Variants in OR10K2 observed in about 807,000 individuals in gnomAD.
OR10K2 encodes olfactory receptor 10K2.
For synonymous variants in OR10K2, 169 were observed against 146.4 expected (o/e 1.15, Z -1.11); for missense variants, 401 against 367.1 (o/e 1.09, Z -0.76).
intron 1 of OR10K2, among the ~76,000 whole-genome samples, chr1:158,425,255 C>A (rs1655230270): frequency 6.6e-6 from 1 of 152,000 alleles, no homozygotes; most frequent in African/African-American, 2.4e-5. Context: ...TCTTAAAGAT[C>A]TAGCTTAGTA....
Position 158,420,762 on chromosome 1 carries a change from G to T in OR10K2, c.105C>A (p.Tyr35Ter). The change falls in exon 2 of 2, where the codon TAC becomes TAA. Residue 35 changes from tyrosine to a stop codon, truncating the protein, a stop_gained. Transcript: ENST00000641042. LOFTEE classifies it low-confidence loss of function (END_TRUNC). ...TTGCATTGGTGCCCAGAGTGAACAGGTAGAGGAGCAGGAAGATAACAAAGA... is the reference window on the plus strand; with the variant it reads ...TTGCATTGGTGCCCAGAGTGAACAGTTAGAGGAGCAGGAAGATAACAAAGA... ...QLLFVIFLLL[Y>*]LFTLGTNAII... The T allele has an allele frequency of 1.2e-6, 2 of 1,613,756 alleles. No individual in the cohort carries two copies. Among genetic ancestry groups the T allele is most frequent in the Non-Finnish European group, 1.7e-6 (2 of 1,179,836 alleles).
intron 1 of OR10K2, among the ~76,000 whole-genome samples, chr1:158,421,240 CA>C (rs927787945): frequency 2.3e-4 from 35 of 149,044 alleles, no homozygotes; most frequent in South Asian, 1.3e-3. Context: ...TGTATTCTCT[CA>C]AAAAAAAAAT....
rs1655144251 is a variant in OR10K2, at chr1:158,420,964, G to A, written c.-61-37C>T. On this transcript the variant is annotated intron_variant, in intron 1 of 1. Transcript: ENST00000641042. ...TAGATTCACAGAAAATTGATCATCA[G>A]CATGCGTTCTCAGATTTTGAATTCT... 8.2e-6 allele frequency: 9 copies of A among 1,094,260 alleles called. No individual in the cohort carries two copies. In the South Asian group the frequency reaches 1.1e-4, roughly 14 times the overall value. The allele number at this position is 1,094,260 out of a possible 1,614,324, so 67.8% of individuals were successfully genotyped here. A position where few individuals can be genotyped will look rare whatever the true frequency, so the allele number is the denominator to read the frequency against.
At position 158,422,664 on chromosome 1, in the gene OR10K2, C is replaced by T. The variant is rs564393944; in HGVS notation, c.-61-1737G>A. ...CTAATATTAATAACAAAATTAATGA[C>T]AATGCATTTTTATGTTACCTAAGAA... On this transcript the variant is annotated intron_variant, in intron 1 of 1. Transcript: ENST00000641042. Among the ~76,000 whole-genome samples the T allele has an allele frequency of 2.0e-5, 3 of 152,042 alleles. No homozygotes were observed. The East Asian group carries it at 5.8e-4, about 29-fold the overall frequency.
rs1217952614 is a variant in OR10K2, at chr1:158,420,778, A to C, written c.89T>G (p.Ile30Ser). The C allele has an allele frequency of 6.2e-7, 1 of 1,613,556 alleles. No homozygotes were observed. Among genetic ancestry groups the C allele is most frequent in the Non-Finnish European group, 8.5e-7 (1 of 1,179,840 alleles). The change falls in exon 2 of 2, where the codon ATC becomes AGC. Residue 30 changes from isoleucine to serine, a missense_variant. Coordinates refer to ENST00000641042, the MANE Select transcript of OR10K2 (RefSeq NM_001004476.2). ...LARLQQLLFVIFLLLYLFTLG... is the reference protein window; with the variant it reads ...LARLQQLLFVSFLLLYLFTLG... ...AGTGAACAGGTAGAGGAGCAGGAAG[A>C]TAACAAAGAGCAGCTGCTGCAGCCT... is the stretch of plus-strand genomic sequence containing the variant.
At chr1:158,421,020 T>C in intron 1 of OR10K2, 93 bp from the exon 2 acceptor site, 1 of 718,940 alleles carries the variant, frequency 1.4e-6, no homozygotes, top group Non-Finnish European at 2.2e-6. Flanking sequence ...CTCTTGTTTT[T>C]CCAAGACATG....
chr1:158,420,855 G>T lies in OR10K2; in HGVS notation c.12C>A (p.Val4=). MER[V]NETVVREVIF... Reference sequence around the variant, plus strand: ...TGACCTCTCTCACCACAGTCTCATTGACCCGCTCCATGGAGCATACATCAT... The same window carrying T: ...TGACCTCTCTCACCACAGTCTCATTTACCCGCTCCATGGAGCATACATCAT... Residue 4 remains valine (V), a synonymous_variant, in exon 2 of 2, where the codon GTC becomes GTA. Transcript: ENST00000641042. The T allele has an allele frequency of 6.2e-7, 1 of 1,613,142 alleles. No homozygotes were observed. Among genetic ancestry groups the T allele is most frequent in the South Asian group, 1.1e-5 (1 of 91,012 alleles).
Position 158,420,106 on chromosome 1 carries a change from C to T in OR10K2, c.761G>A (p.Cys254Tyr). Residue 254 changes from cysteine to tyrosine, a missense_variant, in exon 2 of 2, where the codon TGT becomes TAT. Coordinates refer to ENST00000641042, the MANE Select transcript of OR10K2 (RefSeq NM_001004476.2). ...HLIIVTVHYG[C>Y]ASFIYLRPQS... ...AGGCCTTAAGTAGATAAAGGAGGCA[C>T]AGCCATAGTGGACAGTGACAATAAT... The T allele has an allele frequency of 6.2e-7, 1 of 1,613,656 alleles. No individual in the cohort carries two copies. Among genetic ancestry groups the T allele is most frequent in the African/African-American group, 1.3e-5 (1 of 74,956 alleles).
chr1:158,425,049 G>T (rs1425587580), intron 1 of OR10K2, among the ~76,000 whole-genome samples: 1 of 152,006 alleles, frequency 6.6e-6, no homozygotes, highest in African/African-American at 2.4e-5. Flanking sequence ...AATTGAAAAG[G>T]GGCAGAGAGC....
In OR10K2 at chr1:158,418,518, C is replaced by A. The variant is rs1655081911; in HGVS notation, c.*1410G>T. On this transcript the variant is annotated 3_prime_UTR_variant, in exon 2 of 2. Coordinates refer to ENST00000641042, the MANE Select transcript of OR10K2 (RefSeq NM_001004476.2). ...ACCCCCATCAGCAGCAAGTTTCAAG[C>A]TTCAAAGAAATGGAAGAAATGCAAT... 6.6e-6 allele frequency: 1 copy of A among 152,064 alleles called. No individual in the cohort carries two copies. The highest frequency in any genetic ancestry group is 1.5e-5 in the Non-Finnish European group (1 of 68,006). 9.4% of individuals were successfully genotyped at this position (152,064 alleles called of 1,614,324 possible). A position where few individuals can be genotyped will look rare whatever the true frequency, so the allele number is the denominator to read the frequency against.
intron 1 of OR10K2, among the ~76,000 whole-genome samples, chr1:158,423,227 A>ATTTT (rs11306254): frequency 7.3e-6 from 1 of 136,310 alleles, no homozygotes; most frequent in African/African-American, 2.7e-5. Context: ...TTCGCCCAAT[A>ATTTT]TTTTTTTTTT....
chr1:158,425,341 G>A (rs1655231560), intron 1 of OR10K2, among the ~76,000 whole-genome samples: 1 of 152,100 alleles, frequency 6.6e-6, no homozygotes, highest in Non-Finnish European at 1.5e-5. Flanking sequence ...CAACTGAGTG[G>A]ATGTGTTAGC....
Position 158,425,554 on chromosome 1 carries a change from G to T in OR10K2, c.-62+379C>A, listed in dbSNP as rs180712214. Reference sequence around the variant, plus strand: ...GGTTCCCAGAGGGCAGGGTTTCTTAGTCTTTATATCTGTCAATTATAACTA... The same window carrying T: ...GGTTCCCAGAGGGCAGGGTTTCTTATTCTTTATATCTGTCAATTATAACTA... On this transcript the variant is annotated intron_variant, in intron 1 of 1. Coordinates refer to ENST00000641042, the MANE Select transcript of OR10K2 (RefSeq NM_001004476.2). Among the ~76,000 whole-genome samples, 251 of 152,052 alleles carry T rather than the reference G, an allele frequency of 1.7e-3. 1 individual carries two copies. Among genetic ancestry groups the T allele is most frequent in the Non-Finnish European group, 2.5e-3 (167 of 67,942 alleles).
intron 1 of OR10K2, among the ~76,000 whole-genome samples, chr1:158,425,696 A>G (rs961781163): frequency 1.3e-4 from 20 of 152,086 alleles, no homozygotes; most frequent in Non-Finnish European, 2.5e-4. Flanking sequence ...TAATTAAAAT[A>G]TTGTTGAGTG....
chr1:158,421,452 T>C (rs1420749491), intron 1 of OR10K2, among the ~76,000 whole-genome samples: 4 of 152,158 alleles, frequency 2.6e-5, no homozygotes, highest in Non-Finnish European at 5.9e-5. Context: ...ATGCTGGCTC[T>C]TGTTTCTGTA....
At position 158,420,777 on chromosome 1, in the gene OR10K2, G is replaced by A; in HGVS notation, c.90C>T (p.Ile30=). 6.2e-7 allele frequency: 1 copy of A among 1,613,710 alleles called. No individual in the cohort carries two copies. Among genetic ancestry groups the A allele is most frequent in the Non-Finnish European group, 8.5e-7 (1 of 1,179,858 alleles). The change falls in exon 2 of 2, where the codon ATC becomes ATT. Residue 30 remains isoleucine, a synonymous_variant. Transcript: ENST00000641042. ...LARLQQLLFV[I]FLLLYLFTLG... is the part of the protein sequence containing the mutation. ...GAGTGAACAGGTAGAGGAGCAGGAA[G>A]ATAACAAAGAGCAGCTGCTGCAGCC...
In OR10K2 at chr1:158,419,763, A is replaced by G. The variant is rs150774155; in HGVS notation, c.*165T>C. On this transcript the variant is annotated 3_prime_UTR_variant, in exon 2 of 2. Transcript: ENST00000641042. ...GTAGCTGAGATTACAGGAGCCCACCACAGCATCCGGTTAATTTGTATATTT... is the reference window on the plus strand; with the variant it reads ...GTAGCTGAGATTACAGGAGCCCACCGCAGCATCCGGTTAATTTGTATATTT... 1.3e-3 allele frequency: 771 copies of G among 584,800 alleles called. 7 individuals carry two copies. In the African/African-American group the frequency reaches 0.014, roughly 10 times the overall value. The allele number at this position is 584,800 out of a possible 1,614,324, so 36.2% of individuals were successfully genotyped here.
intron 1 of OR10K2, among the ~76,000 whole-genome samples, chr1:158,421,205 C>A (rs575552567): frequency 6.6e-6 from 1 of 152,138 alleles, no homozygotes; most frequent in Admixed American, 6.6e-5. Context: ...TCTTGCAAAG[C>A]TTGTCTTTTT....
At chr1:158,422,744 C>T (rs2101648135) in intron 1 of OR10K2, among the ~76,000 whole-genome samples, 1 of 152,096 alleles carries the variant, frequency 6.6e-6, no homozygotes, top group South Asian at 2.1e-4. Flanking sequence ...GTGATTATAA[C>T]AATGTGTCAG....
Sources: allele counts gnomAD v4.1 joint callset (sites outside exome capture counted in the v4.1 genomes callset), GRCh38; gene constraint gnomAD v4.1.1; transcripts MANE v1.5; gene names NCBI Gene and HGNC (gene_info 2026-07-23, HGNC 2026-07-21).